The following TBCD variants were observed in gnomAD, a reference collection of about 807,000 sequenced individuals.
TBCD encodes the protein tubulin folding cofactor D.
In TBCD, 105 loss-of-function variants were observed where a neutral mutation model predicts 169.3. That is an observed-to-expected ratio of 0.62 (90% CI 0.53 to 0.73). The LOEUF (loss-of-function observed/expected upper bound fraction) is 0.73, where lower values mean the gene tolerates loss of function less well. TBCD is among the 30% of genes least tolerant of loss of function. The pLI is 0.00. For missense variants in TBCD, 1,444 were observed against 1,600.1 expected (o/e 0.90, Z 1.66); for synonymous variants, 700 against 643.9 (o/e 1.09, Z -1.32).
intron 13 of TBCD, among the ~76,000 whole-genome samples, chr17:82,823,146 C>T (rs1410009141): frequency 6.6e-6 from 1 of 152,240 alleles, no homozygotes; most frequent in Admixed American, 6.5e-5. Flanking sequence ...CAGGGCATTC[C>T]CTCCCTGGTA....
rs1383291499 is a variant in TBCD, at chr17:82,809,734, C to T, written c.1175C>T (p.Pro392Leu). 9 of 1,613,610 alleles carry T rather than the reference C, an allele frequency of 5.6e-6. No individual in the cohort carries two copies. The highest frequency in any genetic ancestry group is 5.9e-6 in the Non-Finnish European group (7 of 1,179,738). The change falls in exon 12 of 39, where the codon CCC (proline) becomes CTC (leucine). Residue 392 changes from proline (P) to leucine (L), a missense_variant. Physicochemically the swap from Pro to Leu is moderately conservative, Grantham distance 98. Transcript: ENST00000355528. ...KGIGRMAGRL[P>L]RALADDVVGS... is the part of the protein sequence containing the mutation. Reference sequence around the variant, plus strand: ...ATCGGTAGGATGGCTGGCAGGCTTCCCAGAGCCCTGGCGGATGATGTGGTC... The same window carrying T: ...ATCGGTAGGATGGCTGGCAGGCTTCTCAGAGCCCTGGCGGATGATGTGGTC...
chr17:82,923,503 C>G lies in TBCD; in HGVS notation c.2179-149C>G. The G allele has an allele frequency of 1.5e-6, 1 of 654,728 alleles. No individual in the cohort carries two copies. Among genetic ancestry groups the G allele is most frequent in the Non-Finnish European group, 2.6e-6 (1 of 380,940 alleles). The allele number at this position is 654,728 out of a possible 1,614,324, so 40.6% of individuals were successfully genotyped here. On this transcript the variant is annotated intron_variant, in intron 25 of 38. Coordinates refer to ENST00000355528, the MANE Select transcript of TBCD (RefSeq NM_005993.5). The surrounding 1 kb of genome is among the most constrained non-coding windows in gnomAD (Gnocchi z 4.6). ...AACCTCAGGGCGACCCGCTGGGTCCCTGGTCAGGCAGGGGCTGCTCTGACC... is the reference window on the plus strand; with the variant it reads ...AACCTCAGGGCGACCCGCTGGGTCCGTGGTCAGGCAGGGGCTGCTCTGACC...
rs971284097 is a variant in TBCD, at chr17:82,922,960, C to A, written c.2179-692C>A. Among the ~76,000 whole-genome samples, 1 of 152,206 alleles carries A rather than the reference C, an allele frequency of 6.6e-6. No homozygotes were observed. The highest frequency in any genetic ancestry group is 6.5e-5 in the Admixed American group (1 of 15,288). On this transcript the variant is annotated intron_variant, in intron 25 of 38. Coordinates refer to ENST00000355528, the MANE Select transcript of TBCD (RefSeq NM_005993.5). This position sits in a 1 kb window ranked among gnomAD's most constrained non-coding sequence, Gnocchi z 4.1. ...GCGGCGGGACTGGTGACTCTCTGCC[C>A]GCTCCTGCTCTGTGCAGCAATTGCC...
rs867464777 is a variant in TBCD at position 82,865,507 on chromosome 17, C to T, written c.1319-4717C>T. 2.4e-5 allele frequency: 24 copies of T among 985,332 alleles called. 1 individual carries two copies. The South Asian group carries it at 7.0e-4, about 29-fold the overall frequency. 61.0% of individuals were successfully genotyped at this position (985,332 alleles called of 1,614,324 possible). ...GGTGCCCACGTTTCCACGCCTTCCTCGTGGAGGGTGTGGCGGGCTGTCTGT... is the reference window on the plus strand; with the variant it reads ...GGTGCCCACGTTTCCACGCCTTCCTTGTGGAGGGTGTGGCGGGCTGTCTGT... On this transcript the variant is annotated intron_variant, in intron 13 of 38. Coordinates refer to ENST00000355528, the MANE Select transcript of TBCD (RefSeq NM_005993.5).
rs1483669134 is a variant in TBCD, at chr17:82,801,130, C to T, written c.950+134C>T. The T allele has an allele frequency of 1.2e-3, 31 of 25,710 alleles. No homozygotes were observed. In the East Asian group the frequency reaches 0.013, roughly 10 times the overall value. 1.6% of individuals were successfully genotyped at this position (25,710 alleles called of 1,614,324 possible). A position where few individuals can be genotyped will look rare whatever the true frequency, so the allele number is the denominator to read the frequency against. ...CTGTGGGGAGGCAGTCGCCCTGTTG[C>T]GGGGTGGGGGAGGCAGGCGCCATGG... On this transcript the variant is annotated intron_variant, in intron 9 of 38. Transcript: ENST00000355528.
At chr17:82,807,502 C>A in intron 10 of TBCD, 106 bp from the exon 11 acceptor site, 1 of 631,818 alleles carries the variant, frequency 1.6e-6, no homozygotes, top group Non-Finnish European at 2.3e-6. Context: ...TAATGTAATT[C>A]CCTTCGGCGT....
rs200963476 is a variant in TBCD at position 82,853,079 on chromosome 17, T to A, written c.1319-17145T>A. Among the ~76,000 whole-genome samples the A allele has an allele frequency of 1.3e-3, 192 of 152,244 alleles. 3 individuals are homozygous for A. Among genetic ancestry groups the A allele is most frequent in the Admixed American group, 6.3e-3 (97 of 15,290 alleles). The stretch of plus-strand genomic sequence containing the variant: ...TCAGCTTTCTCTCTCTCTTTTTTTT[T>A]AAATTAATTTATTTTGTCGAGACAG... On this transcript the variant is annotated intron_variant, in intron 13 of 38. Transcript: ENST00000355528.
intron 13 of TBCD, among the ~76,000 whole-genome samples, chr17:82,849,076 C>T (rs12941344): frequency 0.018 from 15 of 846 alleles, no homozygotes; most frequent in Non-Finnish European, 0.033. Flanking sequence ...CTGCCTGCTG[C>T]GTCTTCTCAC....
chr17:82,927,041 G>C, intron 28 of TBCD, 145 bp from the exon 29 acceptor site: 1 of 1,112,404 alleles, frequency 9.0e-7, no homozygotes, highest in East Asian at 2.6e-5. Context: ...CATGTGGAAG[G>C]AGCTCTGTGT....
In TBCD at chr17:82,926,881, C is replaced by T. The variant is rs1046585233; in HGVS notation, c.2472-305C>T. On this transcript the variant is annotated intron_variant, in intron 28 of 38. Transcript: ENST00000355528. ...AAGAGGAGCAGTCCCGCGGGGGCCA[C>T]GCACGCCCCCTTCTCTCCTATGCCA... is the stretch of plus-strand genomic sequence containing the variant. 5.1e-5 allele frequency: 26 copies of T among 506,160 alleles called. 1 individual carries two copies. The highest frequency in any genetic ancestry group is 3.7e-4 in the South Asian group (16 of 43,062). The allele number at this position is 506,160 out of a possible 1,614,324, so 31.4% of individuals were successfully genotyped here. A position where few individuals can be genotyped will look rare whatever the true frequency, so the allele number is the denominator to read the frequency against.
chr17:82,937,514 G>C (rs553063470), intron 35 of TBCD, 154 bp downstream of exon 35: 2 of 691,636 alleles, frequency 2.9e-6, no homozygotes, highest in African/African-American at 1.8e-5. Context: ...CAAAGCAGTC[G>C]CAATGGGAGG....
chr17:82,778,802 C>T (rs1050945382), intron 6 of TBCD, among the ~76,000 whole-genome samples: 3 of 151,814 alleles, frequency 2.0e-5, no homozygotes, highest in Non-Finnish European at 4.4e-5. Flanking sequence ...GCTAGGATTA[C>T]AGGTGTGCGC....
chr17:82,830,402 G>A (rs140967545), intron 13 of TBCD: 113 of 1,611,774 alleles, frequency 7.0e-5, no homozygotes, highest in Non-Finnish European at 9.5e-5. Context: ...AGCTGGCACA[G>A]GGCCACGGCT....
chr17:82,876,045 G>T (rs1171906754), intron 14 of TBCD, among the ~76,000 whole-genome samples: 1 of 152,108 alleles, frequency 6.6e-6, no homozygotes, highest in African/African-American at 2.4e-5. Flanking sequence ...AAATGACACA[G>T]AATTATTGTT....
In TBCD at chr17:82,938,081, T is replaced by C; in HGVS notation, c.3314T>C (p.Val1105Ala). The C allele has an allele frequency of 6.2e-7, 1 of 1,613,030 alleles. No homozygotes were observed. Among genetic ancestry groups the C allele is most frequent in the African/African-American group, 1.3e-5 (1 of 75,040 alleles). ...FCEMVQFPGD[V>A]RRQALLQLCL... ...GAGATGGTGCAGTTCCCCGGCGACG[T>C]GAGGAGGCAGGCCCTCCTGCAGCTG... The change falls in exon 36 of 39, where the codon GTG becomes GCG. Residue 1105 changes from valine to alanine, a missense_variant. Val to Ala is a moderately conservative substitution (Grantham distance 64, BLOSUM62 0). Transcript: ENST00000355528.
intron 13 of TBCD, among the ~76,000 whole-genome samples, chr17:82,867,274 T>G (rs7210902): frequency 0.99 from 151,384 of 152,340 alleles, 75,224 homozygotes; most frequent in East Asian, 1. Context: ...CCTGAGGCCA[T>G]TGTCCATGCT....
At chr17:82,866,636 C>G (rs2145894010) in intron 13 of TBCD, among the ~76,000 whole-genome samples, 2 of 152,356 alleles carry the variant, frequency 1.3e-5, no homozygotes, top group South Asian at 4.1e-4. Context: ...GTGGCCTGGC[C>G]TGGAAGGAGG....
intron 13 of TBCD, among the ~76,000 whole-genome samples, chr17:82,842,111 C>T (rs894689723): frequency 6.6e-6 from 1 of 152,250 alleles, no homozygotes; most frequent in Non-Finnish European, 1.5e-5. Flanking sequence ...CTCTCAGCGG[C>T]AGGAGTGCCA....
Position 82,833,980 on chromosome 17 carries a change from T to C in TBCD, c.1318+19046T>C, listed in dbSNP as rs138570107. ...TTTTTTTGAGACAGAGTTTCTCCCT[T>C]GTTGCCCAGTCTGGAGTGCCATGGC... On this transcript the variant is annotated intron_variant, in intron 13 of 38. Coordinates refer to ENST00000355528, the MANE Select transcript of TBCD (RefSeq NM_005993.5). This position sits in a 1 kb window ranked among gnomAD's most constrained non-coding sequence, Gnocchi z 4.7. Among the ~76,000 whole-genome samples, 24,299 of 152,022 alleles carry C rather than the reference T, an allele frequency of 0.16. 2,211 individuals are homozygous for C. Among genetic ancestry groups the C allele is most frequent in the Admixed American group, 0.23 (3,511 of 15,268 alleles).
Sources: gnomAD v4.1 joint callset for allele counts (sites outside exome capture counted in the v4.1 genomes callset) on GRCh38, gnomAD v4.1.1 for gene constraint, Gnocchi (gnomAD v3.1) non-coding constraint, MANE v1.5 for transcripts, NCBI Gene and HGNC (gene_info 2026-07-23, HGNC 2026-07-21) for gene names.